TCF7L2: variants seen among roughly 807,000 people sequenced by gnomAD.
TCF7L2 encodes transcription factor 7-like 2.
TCF7L2 carries 23 observed loss-of-function variants against 77.9 expected under a neutral mutation model. That is an observed-to-expected ratio of 0.30 (90% CI 0.21 to 0.42). The LOEUF is 0.42. TCF7L2 is among the 10% of genes least tolerant of loss of function. The pLI, the probability that TCF7L2 is intolerant of heterozygous loss-of-function variation, is 1.00. For synonymous variants in TCF7L2, 413 were observed against 340.2 expected (o/e 1.21, Z -2.36); for missense variants, 654 against 793.1 (o/e 0.82, Z 2.11).
chr10:112,952,767 C>T (rs1161288818), intron 3 of TCF7L2, among the ~76,000 whole-genome samples: 1 of 152,084 alleles, frequency 6.6e-6, no homozygotes, highest in East Asian at 1.9e-4. Context: ...GGGGCGCTTC[C>T]TGCAGGGTCG....
chr10:112,964,813 G>GGTGGTGGTGGTGGT (rs1564719445), intron 4 of TCF7L2, among the ~76,000 whole-genome samples, 189 bp downstream of exon 4: 8 of 98,434 alleles, frequency 8.1e-5, no homozygotes, highest in Non-Finnish European at 1.3e-4. Flanking sequence ...TGGTGGTGGT[G>GGTGGTGGTGGTGGT]GGGGGGGGTT....
intron 5 of TCF7L2, among the ~76,000 whole-genome samples, chr10:113,059,114 A>G (rs778248844): frequency 1.5e-4 from 23 of 152,324 alleles, no homozygotes; most frequent in South Asian, 1.5e-3. Context: ...TTTGTCAGGC[A>G]GTGGCATCGG....
At chr10:113,144,090 G>C (rs2068851865) in intron 7 of TCF7L2, 65 bp downstream of exon 7, 1 of 1,065,344 alleles carries the variant, frequency 9.4e-7, no homozygotes, top group Non-Finnish European at 1.3e-6. Flanking sequence ...TATTTATTCT[G>C]TGTGTGTGTC....
At chr10:112,980,053 A>G (rs139231065) in intron 4 of TCF7L2, among the ~76,000 whole-genome samples, 3 of 152,352 alleles carry the variant, frequency 2.0e-5, no homozygotes, top group South Asian at 4.1e-4. Flanking sequence ...TTGTGCTGAA[A>G]GAATCATCTG....
intron 4 of TCF7L2, 116 bp downstream of exon 4, chr10:112,964,740 TG>T (rs1262921344): frequency 7.6e-6 from 5 of 661,252 alleles, no homozygotes; most frequent in African/African-American, 2.5e-5. Flanking sequence ...ATGATGATGA[TG>T]GTGGTGGTGG....
chr10:113,076,417 C>T (rs1238169290), intron 5 of TCF7L2, among the ~76,000 whole-genome samples: 4 of 152,150 alleles, frequency 2.6e-5, no homozygotes, highest in East Asian at 3.8e-4. Flanking sequence ...GGATTACATG[C>T]GTGAAACACC....
chr10:113,124,196 A>G (rs2065225522), intron 5 of TCF7L2, among the ~76,000 whole-genome samples: 1 of 132,282 alleles, frequency 7.6e-6, no homozygotes, highest in Admixed American at 7.3e-5. Flanking sequence ...GAAACCTTAA[A>G]AAAAATTTTT....
At chr10:113,030,109 A>C (rs1352097238) in intron 4 of TCF7L2, among the ~76,000 whole-genome samples, 1 of 152,094 alleles carries the variant, frequency 6.6e-6, no homozygotes, top group Non-Finnish European at 1.5e-5. Context: ...GCAATCACTA[A>C]TTTACTTCCT....
At chr10:113,108,734 C>T (rs1487699124) in intron 5 of TCF7L2, among the ~76,000 whole-genome samples, 1 of 152,232 alleles carries the variant, frequency 6.6e-6, no homozygotes, top group East Asian at 1.9e-4. Context: ...CCAGGACTGC[C>T]TGCCCTGGTC....
At chr10:113,139,709 A>G (rs991109067) in intron 5 of TCF7L2, among the ~76,000 whole-genome samples, 3 of 151,988 alleles carry the variant, frequency 2.0e-5, no homozygotes, top group African/African-American at 7.3e-5. Flanking sequence ...CTTTCCACAC[A>G]TAACCACAAA....
intron 5 of TCF7L2, among the ~76,000 whole-genome samples, chr10:113,094,641 T>C (rs2060749439): frequency 6.6e-6 from 1 of 152,250 alleles, no homozygotes; most frequent in Admixed American, 6.5e-5. Flanking sequence ...TTTTAAAAAA[T>C]GTGATTTAAA....
chr10:113,145,783 A>C (rs541171480), intron 7 of TCF7L2, among the ~76,000 whole-genome samples: 1 of 152,342 alleles, frequency 6.6e-6, no homozygotes, highest in Admixed American at 6.5e-5. Flanking sequence ...CTCTATTGAC[A>C]TAAGCAGAGG....
intron 11 of TCF7L2, chr10:113,157,777 G>A (rs1354395114): frequency 4.4e-6 from 2 of 457,940 alleles, no homozygotes; most frequent in East Asian, 8.0e-5. Flanking sequence ...AGAAATGAGA[G>A]CTTCCCTTCA....
At chr10:113,061,395 C>T (rs891166081) in intron 5 of TCF7L2, among the ~76,000 whole-genome samples, 1 of 152,170 alleles carries the variant, frequency 6.6e-6, no homozygotes, top group Admixed American at 6.5e-5. Context: ...CAGTAGATAA[C>T]GCGGCCACTT....
At chr10:113,025,613 T>C (rs1307194680) in intron 4 of TCF7L2, among the ~76,000 whole-genome samples, 1 of 152,168 alleles carries the variant, frequency 6.6e-6, no homozygotes, top group Non-Finnish European at 1.5e-5. Flanking sequence ...ATTCCTGGAC[T>C]CAAGCAATCT....
Position 113,166,000 on chromosome 10 carries a change from GT to G in TCF7L2, c.*31del, listed in dbSNP as rs2137659245. 1 of 1,436,330 alleles carries G rather than the reference GT, an allele frequency of 7.0e-7. No homozygotes were observed. Among genetic ancestry groups the G allele is most frequent in the Non-Finnish European group, 9.2e-7 (1 of 1,090,512 alleles). The allele number at this position is 1,436,330 out of a possible 1,614,324, so 89.0% of individuals were successfully genotyped here. ...TTAGCGTCGTGAACCCCGCTGCTTT[GT>G]TTATGGTTTTGTTTCACTTTTCTTA... On this transcript the variant is annotated 3_prime_UTR_variant, in exon 14 of 14. Transcript: ENST00000627217.
intron 4 of TCF7L2, among the ~76,000 whole-genome samples, chr10:112,978,280 C>A (rs1220076514): frequency 6.6e-6 from 1 of 152,066 alleles, no homozygotes; most frequent in Non-Finnish European, 1.5e-5. Flanking sequence ...TAAGTGGTGA[C>A]CCAGCTTTGC....
chr10:113,155,534 TC>T (rs1303971002), intron 11 of TCF7L2, among the ~76,000 whole-genome samples: 1 of 152,228 alleles, frequency 6.6e-6, no homozygotes, highest in Non-Finnish European at 1.5e-5. Flanking sequence ...AATGACAACT[TC>T]TTCAGTAGTC....
chr10:113,025,255 G>T (rs2048950506), intron 4 of TCF7L2, among the ~76,000 whole-genome samples: 1 of 141,860 alleles, frequency 7.0e-6, no homozygotes, highest in Admixed American at 7.2e-5. Context: ...ACGGAGTCTG[G>T]AATCTCAAGT....
Sources: allele counts gnomAD v4.1 joint callset (sites outside exome capture counted in the v4.1 genomes callset), GRCh38; gene constraint gnomAD v4.1.1; transcripts MANE v1.5; gene names NCBI Gene and HGNC (gene_info 2026-07-23, HGNC 2026-07-21).